The following DPYD variants were observed in gnomAD, a reference collection of about 807,000 sequenced individuals.
DPYD encodes dihydropyrimidine dehydrogenase [NADP(+)].
Under a neutral mutation model 116.2 loss-of-function variants are expected in DPYD, and 109 were observed. The observed-to-expected ratio is 0.94, with a 90% CI of 0.80 to 1.10. DPYD has a LOEUF of 1.10. DPYD is among the 50% of genes least tolerant of loss of function. DPYD has a pLI of 0.00. For synonymous variants in DPYD, 440 were observed against 432.0 expected, an observed-to-expected ratio of 1.02 and a Z score of -0.23; for missense variants, 1,302 against 1,254.5, an observed-to-expected ratio of 1.04 and a Z score of -0.57.
intron 14 of DPYD, among the ~76,000 whole-genome samples, chr1:97,433,836 C>A (rs886246933): frequency 6.6e-6 from 1 of 152,060 alleles, no homozygotes; most frequent in Non-Finnish European, 1.5e-5. Flanking sequence ...TAATTATAGT[C>A]GAGGTAACAA....
rs188890103 is a variant in DPYD, at chr1:97,459,921, C to T, written c.1741-9698G>A. On this transcript the variant is annotated intron_variant, in intron 13 of 22. Transcript: ENST00000370192. ...AGAAATACATTATGTGAAAAACATA[C>T]GCAAAAGCAAGAAAATGATTATCAT... is the stretch of plus-strand genomic sequence containing the variant. Among the ~76,000 whole-genome samples, 171 of 151,936 alleles carry T rather than the reference C, an allele frequency of 1.1e-3. 1 individual carries two copies. The highest frequency in any genetic ancestry group is 2.9e-3 in the African/African-American group (121 of 41,466).
intron 14 of DPYD, among the ~76,000 whole-genome samples, chr1:97,383,165 C>T (rs984265498): frequency 2.0e-5 from 3 of 151,930 alleles, no homozygotes; most frequent in African/African-American, 7.2e-5. Context: ...ATAATCGTGC[C>T]ACTTATTAAG....
At chr1:97,482,835 T>A (rs1678400757) in intron 13 of DPYD, among the ~76,000 whole-genome samples, 1 of 151,960 alleles carries the variant, frequency 6.6e-6, no homozygotes, top group Admixed American at 6.6e-5. Flanking sequence ...TTATATAACC[T>A]CTCAAGCAAA....
chr1:97,238,245 G>T (rs561304275), intron 18 of DPYD, among the ~76,000 whole-genome samples: 36 of 152,160 alleles, frequency 2.4e-4, no homozygotes, highest in Non-Finnish European at 4.9e-4. Context: ...TGTTCTCTGA[G>T]GAAATGAGAT....
At chr1:97,687,233 T>G (rs187251182) in intron 7 of DPYD, among the ~76,000 whole-genome samples, 3 of 152,152 alleles carry the variant, frequency 2.0e-5, no homozygotes, top group Non-Finnish European at 4.4e-5. Context: ...ATAGTGCCAC[T>G]GCACTCCAGC....
chr1:97,655,666 A>G (rs529229502), intron 8 of DPYD, among the ~76,000 whole-genome samples: 2 of 152,340 alleles, frequency 1.3e-5, no homozygotes, highest in East Asian at 3.9e-4. Context: ...AGCAGAAGCA[A>G]TCAAATTAGA....
chr1:97,198,955 C>T (rs543486895), intron 19 of DPYD, among the ~76,000 whole-genome samples: 1 of 152,234 alleles, frequency 6.6e-6, no homozygotes, highest in African/African-American at 2.4e-5. Flanking sequence ...ACCAAATAGC[C>T]TCCTCCAGGG....
chr1:97,192,913 G>A (rs1214302439), intron 20 of DPYD, among the ~76,000 whole-genome samples, 156 bp downstream of exon 20: 1 of 152,200 alleles, frequency 6.6e-6, no homozygotes, highest in Non-Finnish European at 1.5e-5. Context: ...TCATATGGCT[G>A]TAATCAAGTC....
intron 4 of DPYD, among the ~76,000 whole-genome samples, chr1:97,729,525 T>TAATATTTACTAAATAAATATTAAATA (rs1663466973): frequency 6.6e-6 from 1 of 152,138 alleles, no homozygotes; most frequent in Non-Finnish European, 1.5e-5. Context: ...TTTAAGATTT[T>TAATATTTACTAAATAAATATTAAATA]AATATTTACT....
chr1:97,264,162 G>GTT (rs71071641), intron 18 of DPYD, among the ~76,000 whole-genome samples: 653 of 60,026 alleles, frequency 0.011, 73 homozygotes, highest in African/African-American at 0.022. Flanking sequence ...GCAAAATTCT[G>GTT]TTTTTTTTTT....
chr1:97,717,344 C>CTACA (rs1299850290), intron 5 of DPYD, among the ~76,000 whole-genome samples: 2 of 152,022 alleles, frequency 1.3e-5, no homozygotes, highest in African/African-American at 4.8e-5. Flanking sequence ...AAAGGAAAAT[C>CTACA]TACAGATACC....
intron 8 of DPYD, among the ~76,000 whole-genome samples, chr1:97,624,032 A>G (rs146106020): frequency 4.7e-4 from 71 of 152,198 alleles, no homozygotes; most frequent in African/African-American, 1.5e-3. Flanking sequence ...GCCAGAAGAA[A>G]GGATAGGAGA....
chr1:97,662,280 G>A (rs1463347553), intron 8 of DPYD, among the ~76,000 whole-genome samples: 1 of 151,666 alleles, frequency 6.6e-6, no homozygotes, highest in Non-Finnish European at 1.5e-5. Context: ...GGGATTACAG[G>A]TGTCAGCCAC....
chr1:97,791,355 G>T (rs1388171883), intron 3 of DPYD, among the ~76,000 whole-genome samples: 1 of 152,108 alleles, frequency 6.6e-6, no homozygotes, highest in African/African-American at 2.4e-5. Flanking sequence ...GATTCAGGAA[G>T]GAAAACATCT....
rs139047258 is a variant in DPYD, at chr1:97,784,880, C to T, written c.233+43234G>A. Among the ~76,000 whole-genome samples the T allele has an allele frequency of 2.0e-4, 30 of 152,226 alleles. No individual in the cohort carries two copies. In the East Asian group the frequency reaches 5.2e-3, roughly 26 times the overall value. On this transcript the variant is annotated intron_variant, in intron 3 of 22. Coordinates refer to ENST00000370192, the MANE Select transcript of DPYD (RefSeq NM_000110.4). ...GTAGCCAATACATAAAATTTTATGT[C>T]CAGAAGAATTTTAATGACAAACAGA...
At chr1:97,810,778 A>G (rs1339538788) in intron 3 of DPYD, among the ~76,000 whole-genome samples, 1 of 152,142 alleles carries the variant, frequency 6.6e-6, no homozygotes, top group Non-Finnish European at 1.5e-5. Context: ...TTATGGTGAT[A>G]TATCTCAAAA....
At chr1:97,803,374 C>A (rs1571384363) in intron 3 of DPYD, among the ~76,000 whole-genome samples, 1 of 151,888 alleles carries the variant, frequency 6.6e-6, no homozygotes, top group Non-Finnish European at 1.5e-5. Context: ...TCATGCTCTT[C>A]CTTTACATAT....
chr1:97,300,094 A>T lies in DPYD; in HGVS notation c.2299+5165T>A, dbSNP rs72726685. ...AAATATAGTACATACATATTTGTATAACAAGTTCTTTAATAGTTTGATCAG... is the reference window on the plus strand; with the variant it reads ...AAATATAGTACATACATATTTGTATTACAAGTTCTTTAATAGTTTGATCAG... On this transcript the variant is annotated intron_variant, in intron 18 of 22. Coordinates refer to ENST00000370192, the MANE Select transcript of DPYD (RefSeq NM_000110.4). Among the ~76,000 whole-genome samples, 1,513 of 152,282 alleles carry T rather than the reference A, an allele frequency of 9.9e-3. 25 individuals carry two copies. Among genetic ancestry groups the T allele is most frequent in the Middle Eastern group, 0.044 (13 of 294 alleles).
At chr1:97,724,323 T>G (rs1468840383) in intron 4 of DPYD, among the ~76,000 whole-genome samples, 4 of 3,392 alleles carry the variant, frequency 1.2e-3, no homozygotes, top group Non-Finnish European at 3.9e-3. Flanking sequence ...TGTGTGTGTG[T>G]GTGTGTGTGT....
Sources: allele counts gnomAD v4.1 joint callset (sites outside exome capture counted in the v4.1 genomes callset), GRCh38; gene constraint gnomAD v4.1.1; transcripts MANE v1.5; gene names NCBI Gene and HGNC (gene_info 2026-07-23, HGNC 2026-07-21).